Variants in ADGRV1 observed in about 807,000 individuals in gnomAD.
The protein encoded by ADGRV1 is G-protein coupled receptor 98.
A neutral mutation model predicts 596.2 loss-of-function variants in ADGRV1; 359 were observed. The ratio of observed to expected loss-of-function variants is 0.60; its 90% CI spans 0.55 to 0.66. The LOEUF (loss-of-function observed/expected upper bound fraction) is 0.66, where lower values mean the gene tolerates loss of function less well. Ranked by LOEUF, ADGRV1 falls within the 30% of genes least tolerant of loss-of-function variation. The probability of loss-of-function intolerance (pLI) is 0.00; values close to 1 mark genes in which losing one functional copy is unlikely to be tolerated. For missense variants in ADGRV1, 7,274 were observed against 7,575.6 expected (o/e 0.96, Z 1.48); for synonymous variants, 2,681 against 2,679.2 (o/e 1.00, Z -0.02).
chr5:90,756,771 C>A (rs1755874467), intron 56 of ADGRV1, 141 bp downstream of exon 56: 2 of 801,024 alleles, frequency 2.5e-6, no homozygotes, highest in Non-Finnish European at 3.9e-6. Flanking sequence ...ATTCTTAGGT[C>A]TCTTTGGGCT....
chr5:90,716,320 A>T, intron 42 of ADGRV1, 147 bp from the exon 43 acceptor site: 1 of 488,884 alleles, frequency 2.0e-6, no homozygotes, highest in Non-Finnish European at 3.5e-6. Flanking sequence ...TAAATGCTTT[A>T]AAAAATTCTG....
chr5:90,558,839 G>A lies in ADGRV1; in HGVS notation c.-57G>A. On this transcript the variant is annotated 5_prime_UTR_variant, in exon 1 of 90. Transcript: ENST00000405460. ...GCGCGGGCAAGGAGTACGGACGGGA[G>A]TCAGAGGCAGAGCGAGGGTGTGTGG... 6.5e-7 allele frequency: 1 copy of A among 1,544,952 alleles called. No individual in the cohort carries two copies. The highest frequency in any genetic ancestry group is 8.8e-7 in the Non-Finnish European group (1 of 1,138,884).
intron 85 of ADGRV1, among the ~76,000 whole-genome samples, chr5:91,043,506 G>C (rs1379111804): frequency 3.9e-5 from 6 of 152,116 alleles, no homozygotes; most frequent in African/African-American, 1.4e-4. Context: ...TCGGGAGCCA[G>C]ACCAATGCTT....
chr5:90,606,287 T>G (rs1332502735), intron 1 of ADGRV1, among the ~76,000 whole-genome samples: 2 of 152,210 alleles, frequency 1.3e-5, no homozygotes, highest in African/African-American at 4.8e-5. Flanking sequence ...TTCTATACCA[T>G]GCTTTTCCTA....
chr5:90,993,273 C>T (rs1019812861), intron 85 of ADGRV1, among the ~76,000 whole-genome samples: 4 of 151,348 alleles, frequency 2.6e-5, no homozygotes, highest in Non-Finnish European at 2.9e-5. Context: ...ATTCTCCTGC[C>T]TCAGCCTCCC....
intron 85 of ADGRV1, among the ~76,000 whole-genome samples, chr5:91,022,544 G>GC (rs967015226): frequency 1.3e-5 from 2 of 152,020 alleles, no homozygotes; most frequent in Non-Finnish European, 2.9e-5. Context: ...GGAAAGAAAA[G>GC]CATCTAGGCA....
intron 83 of ADGRV1, among the ~76,000 whole-genome samples, chr5:90,919,578 A>G (rs1462001077): frequency 6.6e-6 from 1 of 152,220 alleles, no homozygotes; most frequent in African/African-American, 2.4e-5. Flanking sequence ...ATGTACTATA[A>G]TTATTAAATG....
chr5:90,723,261 G>T (rs537085138), intron 45 of ADGRV1, among the ~76,000 whole-genome samples: 1 of 152,252 alleles, frequency 6.6e-6, no homozygotes. Flanking sequence ...GTGGTGTGGT[G>T]TCGGAGGTTT....
chr5:91,138,477 G>T (rs1368143674), intron 87 of ADGRV1, among the ~76,000 whole-genome samples: 1 of 151,886 alleles, frequency 6.6e-6, no homozygotes, highest in Non-Finnish European at 1.5e-5. Flanking sequence ...TGATTCTATA[G>T]AACATCCTTA....
chr5:90,684,629 C>A (rs1416462763), intron 28 of ADGRV1, among the ~76,000 whole-genome samples: 4 of 152,152 alleles, frequency 2.6e-5, no homozygotes, highest in Admixed American at 2.6e-4. Flanking sequence ...TGAGGGTCTG[C>A]TTCCTGGGCC....
At chr5:91,011,702 C>T (rs909353547) in intron 85 of ADGRV1, among the ~76,000 whole-genome samples, 2 of 151,592 alleles carry the variant, frequency 1.3e-5, no homozygotes, top group Admixed American at 6.6e-5. Flanking sequence ...ACGACATTGC[C>T]GGTATTTTCC....
At chr5:91,163,398 A>G (rs572858243) in intron 89 of ADGRV1, among the ~76,000 whole-genome samples, 1 of 152,254 alleles carries the variant, frequency 6.6e-6, no homozygotes, top group South Asian at 2.1e-4. Context: ...TTCGGGGCCT[A>G]TATGTTTTGT....
At chr5:90,865,356 C>A (rs542772972) in intron 83 of ADGRV1, among the ~76,000 whole-genome samples, 1 of 152,062 alleles carries the variant, frequency 6.6e-6, no homozygotes. Flanking sequence ...TTTTTGGCAG[C>A]AGAATTTGTA....
At chr5:91,064,495 G>A (rs1211155152) in intron 85 of ADGRV1, among the ~76,000 whole-genome samples, 1 of 152,184 alleles carries the variant, frequency 6.6e-6, no homozygotes, top group Non-Finnish European at 1.5e-5. Context: ...AGTAGTGGTA[G>A]TAGTAATACT....
chr5:91,071,038 A>G (rs1788344754), intron 85 of ADGRV1, among the ~76,000 whole-genome samples: 1 of 152,194 alleles, frequency 6.6e-6, no homozygotes. Flanking sequence ...TTAGCTCCCT[A>G]ATGGTGATAT....
chr5:90,727,877 A>G (rs551045677), intron 48 of ADGRV1, among the ~76,000 whole-genome samples: 8 of 152,300 alleles, frequency 5.3e-5, no homozygotes, highest in South Asian at 2.1e-4. Flanking sequence ...GAACTTTGTC[A>G]TGTTGTTCCT....
At chr5:90,869,052 G>A (rs760653103) in intron 83 of ADGRV1, among the ~76,000 whole-genome samples, 5 of 152,090 alleles carry the variant, frequency 3.3e-5, no homozygotes, top group Admixed American at 6.6e-5. Flanking sequence ...CACACAAAGC[G>A]TGTAAATAAT....
At chr5:91,005,202 A>G (rs951366957) in intron 85 of ADGRV1, among the ~76,000 whole-genome samples, 1 of 152,166 alleles carries the variant, frequency 6.6e-6, no homozygotes, top group African/African-American at 2.4e-5. Context: ...TTGCTAAAAT[A>G]TCACCTAAGA....
intron 86 of ADGRV1, among the ~76,000 whole-genome samples, chr5:91,079,259 G>A (rs1819072): frequency 0.14 from 21,625 of 152,100 alleles, 1,800 homozygotes; most frequent in Admixed American, 0.28. Flanking sequence ...TCACTCAACC[G>A]TGAACAGACA....
Sources: allele counts gnomAD v4.1 joint callset (sites outside exome capture counted in the v4.1 genomes callset), GRCh38; gene constraint gnomAD v4.1.1; transcripts MANE v1.5; gene names NCBI Gene and HGNC (gene_info 2026-07-23, HGNC 2026-07-21).